Variants in PCBP3 observed in about 807,000 individuals in gnomAD.
The protein encoded by PCBP3 is poly(rC)-binding protein 3.
A neutral mutation model predicts 52.7 loss-of-function variants in PCBP3; 25 were observed. The ratio of observed to expected loss-of-function variants is 0.47; its 90% CI spans 0.35 to 0.66. The LOEUF is 0.66. PCBP3 is among the 30% of genes least tolerant of loss of function. PCBP3 has a pLI of 0.01. For missense variants in PCBP3, 391 were observed against 490.3 expected (o/e 0.80, Z 1.91); for synonymous variants, 162 against 183.0 (o/e 0.89, Z 0.93).
chr21:45,666,636 A>G (rs1417206735), intron 1 of PCBP3, among the ~76,000 whole-genome samples: 5 of 151,900 alleles, frequency 3.3e-5, no homozygotes, highest in Non-Finnish European at 7.4e-5. Flanking sequence ...TTCTTGTTTG[A>G]CAGTCTTTTT....
intron 5 of PCBP3, among the ~76,000 whole-genome samples, chr21:45,892,966 G>A (rs982983913): frequency 6.6e-6 from 1 of 152,028 alleles, no homozygotes; most frequent in South Asian, 2.1e-4. Context: ...GGGGAGGGGA[G>A]GGAGTGCTGG....
intron 2 of PCBP3, among the ~76,000 whole-genome samples, chr21:45,681,858 G>A (rs1446710925): frequency 6.6e-6 from 1 of 152,082 alleles, no homozygotes; most frequent in East Asian, 1.9e-4. Flanking sequence ...GAGATCAGAG[G>A]AAGGAATCAG....
intron 15 of PCBP3, among the ~76,000 whole-genome samples, chr21:45,933,973 G>T (rs190782251): frequency 3.3e-5 from 5 of 152,148 alleles, no homozygotes; most frequent in African/African-American, 1.2e-4. Context: ...GGGGGCACAG[G>T]AGGCGCCGTG....
chr21:45,710,887 G>C (rs1367840798), intron 2 of PCBP3, among the ~76,000 whole-genome samples: 1 of 152,186 alleles, frequency 6.6e-6, no homozygotes, highest in Non-Finnish European at 1.5e-5. Flanking sequence ...TGGGTTTATA[G>C]TTCCATGTTG....
At chr21:45,713,821 A>G (rs2148197084) in intron 2 of PCBP3, among the ~76,000 whole-genome samples, 1 of 152,342 alleles carries the variant, frequency 6.6e-6, no homozygotes, top group East Asian at 1.9e-4. Flanking sequence ...TTCCCAAAGG[A>G]GGAGCCAGTG....
chr21:45,819,416 A>G (rs2093061237), intron 4 of PCBP3, among the ~76,000 whole-genome samples: 1 of 152,236 alleles, frequency 6.6e-6, no homozygotes, highest in African/African-American at 2.4e-5. Context: ...AAGAACACAC[A>G]GTCTAATTTT....
chr21:45,702,865 C>T (rs1005531980), intron 2 of PCBP3, among the ~76,000 whole-genome samples: 2 of 152,242 alleles, frequency 1.3e-5, no homozygotes, highest in African/African-American at 4.8e-5. Context: ...AGTCAGTCCT[C>T]TCAAACCCTG....
rs1020168281 is a variant in PCBP3, at chr21:45,805,390, C to A, written c.-125-44571C>A. On this transcript the variant is annotated intron_variant, in intron 4 of 17. Coordinates refer to ENST00000681687, the MANE Select transcript of PCBP3 (RefSeq NM_001384156.1). The surrounding 1 kb of genome is among the most constrained non-coding windows in gnomAD (Gnocchi z 4.6). The stretch of plus-strand genomic sequence containing the variant: ...AAGCAGGGGTTTGGCACCCCCCTTG[C>A]CCACCTGCCCTGTGTGCTGGGCCGT... Among the ~76,000 whole-genome samples, 1 of 152,038 alleles carries A rather than the reference C, an allele frequency of 6.6e-6. No homozygotes were observed. The highest frequency in any genetic ancestry group is 2.4e-5 in the African/African-American group (1 of 41,396).
chr21:45,709,998 A>G (rs562495841), intron 2 of PCBP3, among the ~76,000 whole-genome samples: 1 of 152,298 alleles, frequency 6.6e-6, no homozygotes, highest in East Asian at 1.9e-4. Context: ...TTTGGGGATG[A>G]AGACACTGAG....
At chr21:45,663,778 C>G (rs2080576740) in intron 1 of PCBP3, among the ~76,000 whole-genome samples, 2 of 152,030 alleles carry the variant, frequency 1.3e-5, no homozygotes, top group African/African-American at 4.8e-5. Context: ...GTTACTGTAG[C>G]CTTGTAGTAT....
intron 4 of PCBP3, among the ~76,000 whole-genome samples, chr21:45,765,795 A>C (rs1366969824): frequency 6.6e-6 from 1 of 152,190 alleles, no homozygotes. Flanking sequence ...GTTGATAAGA[A>C]AATACAGAAA....
chr21:45,839,827 C>T (rs573450609), intron 4 of PCBP3, among the ~76,000 whole-genome samples: 2 of 152,086 alleles, frequency 1.3e-5, no homozygotes, highest in Non-Finnish European at 1.5e-5. Context: ...GCTGGGATTG[C>T]AGGCGCCCGC....
intron 4 of PCBP3, among the ~76,000 whole-genome samples, chr21:45,808,309 A>T (rs1016035017): frequency 1.3e-5 from 2 of 152,238 alleles, no homozygotes; most frequent in African/African-American, 4.8e-5. Context: ...ACAAAGGGTT[A>T]ATATCCAGAA....
intron 2 of PCBP3, among the ~76,000 whole-genome samples, chr21:45,699,621 T>C (rs887125147): frequency 6.6e-6 from 1 of 152,228 alleles, no homozygotes; most frequent in African/African-American, 2.4e-5. Context: ...AGAGGTTTAA[T>C]TGAAGGACTC....
intron 2 of PCBP3, among the ~76,000 whole-genome samples, chr21:45,699,960 C>A (rs1200968170): frequency 1.3e-5 from 2 of 152,220 alleles, no homozygotes; most frequent in Non-Finnish European, 2.9e-5. Flanking sequence ...CAAAACCAAT[C>A]ATGCCTTCCC....
intron 5 of PCBP3, among the ~76,000 whole-genome samples, chr21:45,891,158 T>C (rs1448115749): frequency 6.6e-6 from 1 of 152,242 alleles, no homozygotes; most frequent in African/African-American, 2.4e-5. Context: ...CTGAGGGGAA[T>C]GTAGATAGTG....
chr21:45,899,581 ATTT>A lies in PCBP3; in HGVS notation c.166-10_166-8del. On this transcript the variant is annotated splice_polypyrimidine_tract_variant and intron_variant, in intron 6 of 17. Coordinates refer to ENST00000681687, the MANE Select transcript of PCBP3 (RefSeq NM_001384156.1). Reference sequence around the variant, plus strand: ...TGCTCTATGACATCATCTTTCTGTGATTTTTTTTTTCTTGCAGGAAGTTGGAAG... The same window carrying A: ...TGCTCTATGACATCATCTTTCTGTGATTTTTTTCTTGCAGGAAGTTGGAAG... The A allele has an allele frequency of 6.7e-7, 1 of 1,496,160 alleles. No individual in the cohort carries two copies. The highest frequency in any genetic ancestry group is 9.2e-7 in the Non-Finnish European group (1 of 1,092,446). The allele number at this position is 1,496,160 out of a possible 1,614,324, so 92.7% of individuals were successfully genotyped here.
At chr21:45,850,286 A>T (rs2093944016) in intron 5 of PCBP3, among the ~76,000 whole-genome samples, 191 bp downstream of exon 5, 1 of 152,178 alleles carries the variant, frequency 6.6e-6, no homozygotes, top group South Asian at 2.1e-4. Context: ...CCTGCTTTTG[A>T]TAGCAGTGAG....
intron 15 of PCBP3, 85 bp from the exon 16 acceptor site, chr21:45,935,168 G>A (rs2076750873): frequency 1.1e-6 from 1 of 921,728 alleles, no homozygotes. Context: ...TGTCTCACTT[G>A]ACCCAGGAGA....
Sources: gnomAD v4.1 joint callset for allele counts (sites outside exome capture counted in the v4.1 genomes callset) on GRCh38, gnomAD v4.1.1 for gene constraint, Gnocchi (gnomAD v3.1) non-coding constraint, MANE v1.5 for transcripts, NCBI Gene and HGNC (gene_info 2026-07-23, HGNC 2026-07-21) for gene names.